Variants in COL4A4 observed in about 807,000 individuals in gnomAD.
COL4A4 encodes the protein collagen alpha-4(IV) chain.
COL4A4 carries 105 observed loss-of-function variants against 192.9 expected under a neutral mutation model. That is an observed-to-expected ratio of 0.54 (90% confidence interval 0.46 to 0.64). The LOEUF is 0.64. Among genes scored for constraint, COL4A4 ranks in the 30% least tolerant of loss-of-function variants. The probability of loss-of-function intolerance (pLI) is 0.00; values close to 1 mark genes in which losing one functional copy is unlikely to be tolerated. For synonymous variants in COL4A4, 762 were observed against 769.9 expected (o/e 0.99, Z 0.17); for missense variants, 1,967 against 2,169.3 (o/e 0.91, Z 1.85).
chr2:227,060,854 A>G (rs2150295085), intron 26 of COL4A4, among the ~76,000 whole-genome samples: 1 of 151,790 alleles, frequency 6.6e-6, no homozygotes, highest in East Asian at 1.9e-4. Context: ...CAGCCTCCCA[A>G]GTGGCTGGGA....
At chr2:227,096,995 G>A (rs916707916) in intron 19 of COL4A4, among the ~76,000 whole-genome samples, 3 of 152,014 alleles carry the variant, frequency 2.0e-5, no homozygotes, top group Admixed American at 6.6e-5. Flanking sequence ...ATATATACAA[G>A]TATATAATAG....
chr2:227,163,301 G>A (rs956565874), intron 1 of COL4A4, among the ~76,000 whole-genome samples: 5 of 152,086 alleles, frequency 3.3e-5, no homozygotes. Flanking sequence ...TTTCAGTTTG[G>A]GCTATTATCT....
chr2:227,103,121 A>G (rs765175473), intron 14 of COL4A4, 23 bp downstream of exon 14: 2 of 1,601,138 alleles, frequency 1.2e-6, no homozygotes, highest in Non-Finnish European at 1.7e-6. Flanking sequence ...AATGAAAAAA[A>G]AAAAGGTACT....
chr2:227,046,351 G>C (rs1015954236), intron 35 of COL4A4, among the ~76,000 whole-genome samples: 3 of 108,320 alleles, frequency 2.8e-5, no homozygotes, highest in Non-Finnish European at 5.7e-5. Context: ...CAAAATTATT[G>C]ATATGAGGTG....
chr2:227,042,108 G>A, intron 37 of COL4A4, 40 bp downstream of exon 37: 2 of 1,271,250 alleles, frequency 1.6e-6, no homozygotes, highest in Non-Finnish European at 2.3e-6. Flanking sequence ...CCCTCATTGG[G>A]CTGCATCTTT....
intron 43 of COL4A4, chr2:227,022,414 T>A (rs533107782): frequency 2.9e-5 from 21 of 725,884 alleles, no homozygotes; most frequent in South Asian, 2.7e-4. Context: ...GCTGACCGAA[T>A]GAGTGAATGG....
the COL4A4 span, among the ~76,000 whole-genome samples, chr2:226,989,408 G>A: frequency 7.9e-5 from 12 of 152,340 alleles, no homozygotes; most frequent in Admixed American, 7.2e-4. Context: ...AAGGGGGCTT[G>A]TGGTGGCTTA....
the COL4A4 span, among the ~76,000 whole-genome samples, chr2:226,983,190 A>C: frequency 1.3e-5 from 2 of 152,150 alleles, no homozygotes; most frequent in African/African-American, 4.8e-5. Context: ...TAAAAAATGC[A>C]CATTTCTGGG....
chr2:227,137,943 C>CA (rs1165308346), intron 4 of COL4A4, among the ~76,000 whole-genome samples: 1 of 151,784 alleles, frequency 6.6e-6, no homozygotes, highest in Non-Finnish European at 1.5e-5. Context: ...CACATTTACA[C>CA]AAAAAAGCTA....
intron 20 of COL4A4, among the ~76,000 whole-genome samples, chr2:227,092,762 T>C (rs1043368790): frequency 6.6e-6 from 1 of 152,174 alleles, no homozygotes; most frequent in African/African-American, 2.4e-5. Context: ...TGAATATTTA[T>C]GGAAGCAAAA....
intron 25 of COL4A4, among the ~76,000 whole-genome samples, chr2:227,074,731 A>G (rs1375196507): frequency 6.6e-6 from 1 of 152,236 alleles, no homozygotes; most frequent in Non-Finnish European, 1.5e-5. Context: ...ATTAAAAGGA[A>G]CAAAACAATG....
chr2:227,099,923 G>GA (rs1369799394), intron 17 of COL4A4, among the ~76,000 whole-genome samples: 3 of 152,102 alleles, frequency 2.0e-5, no homozygotes, highest in African/African-American at 7.2e-5. Flanking sequence ...CAAAGGAAAA[G>GA]AAATTTAACT....
chr2:227,156,074 G>A (rs2064315561), intron 1 of COL4A4, among the ~76,000 whole-genome samples: 2 of 143,940 alleles, frequency 1.4e-5, no homozygotes, highest in African/African-American at 2.5e-5. Flanking sequence ...AAAAAAAAAA[G>A]AGCTCACAAT....
chr2:226,995,509 T>C, the COL4A4 span: 1 of 1,610,622 alleles, frequency 6.2e-7, no homozygotes, highest in Admixed American at 1.7e-5. Context: ...CTTCACAGAT[T>C]CGATAGCCAG....
At position 227,101,560 on chromosome 2, in the gene COL4A4, A is replaced by G. The variant is rs778930723; in HGVS notation, c.976-3T>C. The G allele has an allele frequency of 1.2e-6, 2 of 1,601,706 alleles. No individual in the cohort carries two copies. The highest frequency in any genetic ancestry group is 3.4e-5 in the Admixed American group (2 of 58,654). ...TCTCCAACCAGTCCTAGTTCTCCCT[A>G]CAAACAAGCACAAACATGCCTTAAA... On this transcript the variant is annotated splice_polypyrimidine_tract_variant and splice_region_variant and intron_variant, in intron 16 of 47. Coordinates refer to ENST00000396625, the MANE Select transcript of COL4A4 (RefSeq NM_000092.5).
chr2:226,983,145 G>A, the COL4A4 span, among the ~76,000 whole-genome samples: 1 of 152,078 alleles, frequency 6.6e-6, no homozygotes, highest in South Asian at 2.1e-4. Context: ...CTCAAAGTGG[G>A]GCATGTGGGC....
At chr2:227,142,359 T>G (rs1576831494) in intron 3 of COL4A4, among the ~76,000 whole-genome samples, 1 of 152,114 alleles carries the variant, frequency 6.6e-6, no homozygotes, top group Admixed American at 6.5e-5. Flanking sequence ...GGGAATACAT[T>G]CACGCTCTCG....
Position 227,094,273 on chromosome 2 carries a change from A to G in COL4A4, c.1221T>C (p.Pro407=). Residue 407 remains proline (P), a synonymous_variant, in exon 20 of 48, where the codon CCT becomes CCC. Transcript: ENST00000396625. The stretch of plus-strand genomic sequence containing the variant: ...GAAGACCAGGAAATCCTTGTGGCCC[A>G]GGGGGTCCTATCATGCCTGCAAGAT... The part of the protein sequence containing the change: ...GEACAGMIGP[P]GPQGFPGLPG... The G allele has an allele frequency of 6.2e-7, 1 of 1,613,730 alleles. No individual in the cohort carries two copies.
At chr2:227,154,615 G>A (rs1350882706) in intron 1 of COL4A4, among the ~76,000 whole-genome samples, 1 of 152,004 alleles carries the variant, frequency 6.6e-6, no homozygotes, top group African/African-American at 2.4e-5. Flanking sequence ...TTGGCCTTTC[G>A]ACACTGAGCC....
Sources: gnomAD v4.1 joint callset for allele counts (sites outside exome capture counted in the v4.1 genomes callset) on GRCh38, gnomAD v4.1.1 for gene constraint, MANE v1.5 for transcripts, NCBI Gene and HGNC (gene_info 2026-07-23, HGNC 2026-07-21) for gene names.